The following DENND1A variants were observed in gnomAD, a reference collection of about 807,000 sequenced individuals.
DENND1A encodes DENN domain-containing protein 1A.
A neutral mutation model predicts 113.7 loss-of-function variants in DENND1A; 51 were observed. That is an observed-to-expected ratio of 0.45 (90% CI 0.36 to 0.57). DENND1A has a LOEUF of 0.57. Among genes scored for constraint, DENND1A ranks in the 20% least tolerant of loss-of-function variants. DENND1A has a pLI of 0.00. For missense variants in DENND1A, 1,258 were observed against 1,395.9 expected, an observed-to-expected ratio of 0.90 and a Z score of 1.57; for synonymous variants, 565 against 570.8, an observed-to-expected ratio of 0.99 and a Z score of 0.14.
At chr9:123,550,074 A>G (rs2056946794) in intron 13 of DENND1A, among the ~76,000 whole-genome samples, 1 of 152,200 alleles carries the variant, frequency 6.6e-6, no homozygotes, top group South Asian at 2.1e-4. Context: ...CAGGCTATCA[A>G]TCTGCTTTTA....
intron 13 of DENND1A, among the ~76,000 whole-genome samples, chr9:123,495,378 C>T (rs957711325): frequency 6.6e-6 from 1 of 152,150 alleles, no homozygotes; most frequent in Non-Finnish European, 1.5e-5. Flanking sequence ...CAGCTCTTCC[C>T]GCCTTGGGTG....
chr9:123,917,907 G>C (rs1855460444), intron 1 of DENND1A, among the ~76,000 whole-genome samples: 1 of 151,676 alleles, frequency 6.6e-6, no homozygotes, highest in Non-Finnish European at 1.5e-5. Context: ...TCAGGAGATC[G>C]AGACCATCCT....
chr9:123,545,053 G>A lies in DENND1A; in HGVS notation c.993+12517C>T, dbSNP rs1042381882. 5.3e-5 allele frequency among the ~76,000 whole-genome samples: 8 copies of A among 151,766 alleles called. No individual in the cohort carries two copies. The East Asian group carries it at 5.8e-4, about 11-fold the overall frequency. On this transcript the variant is annotated intron_variant, in intron 13 of 23. Transcript: ENST00000394215. ...GTGGAGCTTGCAGTGAGCTGAGATC[G>A]CGCCACTGTACTCCAGCCTGGGCGA...
At chr9:123,722,886 A>G (rs2067441455) in intron 5 of DENND1A, among the ~76,000 whole-genome samples, 2 of 152,238 alleles carry the variant, frequency 1.3e-5, no homozygotes, top group Non-Finnish European at 1.5e-5. Context: ...CAGAGTCCCT[A>G]CTGAGGCACT....
In DENND1A at chr9:123,381,495, C is replaced by T. The variant is rs199678734; in HGVS notation, c.3150G>A (p.Pro1050=). Residue 1050 remains proline, a synonymous_variant, in exon 24 of 24, where the codon CCG becomes CCA. Coordinates refer to ENST00000394215, the MANE Select transcript of DENND1A (RefSeq NM_001352964.2). This position sits in a 1 kb window ranked among gnomAD's most constrained non-coding sequence, Gnocchi z 4.7. ...QKTKQDVSPS[P]ALAPAPDSVE... ...CCGAGTCTGGGGCCGGGGCCAGGGCCGGACTCGGGCTCACGTCTTGCTTGG... is the reference window on the plus strand; with the variant it reads ...CCGAGTCTGGGGCCGGGGCCAGGGCTGGACTCGGGCTCACGTCTTGCTTGG... 7.9e-5 allele frequency: 127 copies of T among 1,613,276 alleles called. 3 individuals carry two copies. Among genetic ancestry groups the T allele is most frequent in the Middle Eastern group, 3.3e-4 (2 of 6,062 alleles).
At chr9:123,620,522 G>C (rs1387730951) in intron 10 of DENND1A, among the ~76,000 whole-genome samples, 1 of 152,188 alleles carries the variant, frequency 6.6e-6, no homozygotes, top group East Asian at 1.9e-4. Flanking sequence ...AGTAGGACCA[G>C]AGTCTAGGAT....
intron 19 of DENND1A, among the ~76,000 whole-genome samples, chr9:123,419,190 G>A (rs747540980): frequency 6.6e-6 from 1 of 152,266 alleles, no homozygotes; most frequent in African/African-American, 2.4e-5. Flanking sequence ...TGCATGCAAA[G>A]ATTGGGGTGG....
chr9:123,658,924 C>A (rs2063099663), intron 8 of DENND1A, among the ~76,000 whole-genome samples: 1 of 152,196 alleles, frequency 6.6e-6, no homozygotes, highest in Non-Finnish European at 1.5e-5. Context: ...CCAGACCAGG[C>A]AGCATCTCAA....
At chr9:123,591,832 T>C (rs544229992) in intron 11 of DENND1A, among the ~76,000 whole-genome samples, 3 of 152,336 alleles carry the variant, frequency 2.0e-5, no homozygotes, top group Admixed American at 6.5e-5. Context: ...ATGGGAATAA[T>C]AATAATAACG....
At chr9:123,443,075 G>GCA (rs2047048662) in intron 18 of DENND1A, among the ~76,000 whole-genome samples, 1 of 152,144 alleles carries the variant, frequency 6.6e-6, no homozygotes, top group South Asian at 2.1e-4. Flanking sequence ...CAAGGTAAAT[G>GCA]GGATTATCCT....
At chr9:123,568,731 C>T (rs1423671822) in intron 12 of DENND1A, among the ~76,000 whole-genome samples, 1 of 152,076 alleles carries the variant, frequency 6.6e-6, no homozygotes, top group Non-Finnish European at 1.5e-5. Flanking sequence ...TGGTGGATCA[C>T]ATGGATACAT....
rs537939702 is a variant in DENND1A at position 123,467,604 on chromosome 9, G to A, written c.994-9707C>T. ...CAGAAGGCAGAGGTTGCAGTGAGCC[G>A]AGATCGCGCCACTGCACTCCAGCGT... On this transcript the variant is annotated intron_variant, in intron 13 of 23. Transcript: ENST00000394215. 9.2e-5 allele frequency among the ~76,000 whole-genome samples: 14 copies of A among 152,254 alleles called. No homozygotes were observed. In the East Asian group the frequency reaches 1.7e-3, roughly 19 times the overall value.
At chr9:123,529,591 C>A (rs2055130451) in intron 13 of DENND1A, among the ~76,000 whole-genome samples, 1 of 152,026 alleles carries the variant, frequency 6.6e-6, no homozygotes, top group Non-Finnish European at 1.5e-5. Flanking sequence ...GATGGAAATT[C>A]TGCGCATCAT....
chr9:123,595,080 G>A (rs2059624553), intron 11 of DENND1A, among the ~76,000 whole-genome samples: 1 of 151,744 alleles, frequency 6.6e-6, no homozygotes, highest in Non-Finnish European at 1.5e-5. Context: ...TCGCTGATTT[G>A]CTCCTTCCTG....
Position 123,922,505 on chromosome 9 carries a change from T to C in DENND1A, c.17+7384A>G, listed in dbSNP as rs762104848. On this transcript the variant is annotated intron_variant, in intron 1 of 23. Transcript: ENST00000394215. ...CATATTCTCACGTTCCAATGCGTCA[T>C]CTTGTAAAAGCCAGAGATATCACTG... 3.2e-4 allele frequency among the ~76,000 whole-genome samples: 48 copies of C among 152,232 alleles called. 1 individual carries two copies. Among genetic ancestry groups the C allele is most frequent in the Non-Finnish European group, 1.2e-4 (8 of 68,042 alleles).
At chr9:123,508,294 T>C (rs1213160634) in intron 13 of DENND1A, among the ~76,000 whole-genome samples, 1 of 152,276 alleles carries the variant, frequency 6.6e-6, no homozygotes, top group African/African-American at 2.4e-5. Flanking sequence ...CAAATTCCAC[T>C]GTGTCTTTGC....
intron 12 of DENND1A, among the ~76,000 whole-genome samples, chr9:123,562,889 G>A (rs921156613): frequency 2.0e-5 from 3 of 152,076 alleles, no homozygotes; most frequent in Non-Finnish European, 4.4e-5. Flanking sequence ...TGAGTTCCCC[G>A]CAGGGCCAGC....
chr9:123,423,196 C>A (rs761573848), intron 19 of DENND1A, among the ~76,000 whole-genome samples: 10 of 152,170 alleles, frequency 6.6e-5, no homozygotes, highest in African/African-American at 2.2e-4. Context: ...ACTGACTTCC[C>A]GAAAGCTCAG....
chr9:123,674,419 C>A (rs1400945319), intron 6 of DENND1A, among the ~76,000 whole-genome samples: 1 of 151,568 alleles, frequency 6.6e-6, no homozygotes, highest in Non-Finnish European at 1.5e-5. Context: ...TGCTTCCCAA[C>A]CTTCCCAATG....
Sources: gnomAD v4.1 joint callset for allele counts (sites outside exome capture counted in the v4.1 genomes callset) on GRCh38, gnomAD v4.1.1 for gene constraint, Gnocchi (gnomAD v3.1) non-coding constraint, MANE v1.5 for transcripts, NCBI Gene and HGNC (gene_info 2026-07-23, HGNC 2026-07-21) for gene names.